The following PRPS1 variants were observed in gnomAD, a reference collection of about 807,000 sequenced individuals.
The protein encoded by PRPS1 is ribose-phosphate pyrophosphokinase 1.
PRPS1 carries 1 observed loss-of-function variant against 16.9 expected under a neutral mutation model. The ratio of observed to expected loss-of-function variants is 0.06; its 90% CI spans 0.02 to 0.28. PRPS1 has a LOEUF of 0.28. Among genes scored for constraint, PRPS1 ranks in the 10% least tolerant of loss-of-function variants. The pLI is 1.00. For synonymous variants in PRPS1, 70 were observed against 90.2 expected, an observed-to-expected ratio of 0.78 and a Z score of 1.27; for missense variants, 47 against 254.0, an observed-to-expected ratio of 0.19 and a Z score of 5.54.
intron 1 of PRPS1, among the ~76,000 whole-genome samples, chrX:107,633,277 C>T (rs1042981221): frequency 5.8e-4 from 63 of 109,436 alleles, no homozygotes; most frequent in African/African-American, 1.8e-3. Flanking sequence ...AAAAAATTAG[C>T]TGGGCATGGT....
chrX:107,635,006 AT>A (rs772628145), intron 1 of PRPS1, among the ~76,000 whole-genome samples: 7 of 109,008 alleles, frequency 6.4e-5, no homozygotes, highest in Non-Finnish European at 9.6e-5. Context: ...CACCTGGCTA[AT>A]TTTTTTGTAT....
At chrX:107,637,950 A>ATATATATATT (rs1411479537) in intron 1 of PRPS1, among the ~76,000 whole-genome samples, 12 of 98,361 alleles carry the variant, frequency 1.2e-4, no homozygotes, top group African/African-American at 4.6e-4. Context: ...ATATATATAT[A>ATATATATATT]TTTTTTTGAT....
chrX:107,630,414 T>C (rs1925282803), intron 1 of PRPS1, among the ~76,000 whole-genome samples: 1 of 111,970 alleles, frequency 8.9e-6, no homozygotes, highest in Non-Finnish European at 1.9e-5. Context: ...TGAGGCTATA[T>C]TGGGAGAGGA....
At chrX:107,644,965 C>T (rs1925657368) in intron 4 of PRPS1, among the ~76,000 whole-genome samples, 1 of 111,054 alleles carries the variant, frequency 9.0e-6, no homozygotes, top group South Asian at 3.8e-4. Context: ...CAGGCGCCCG[C>T]CACCATGCCC....
intron 3 of PRPS1, 114 bp downstream of exon 3, chrX:107,641,114 T>C (rs1365283000): frequency 1.8e-5 from 22 of 1,191,895 alleles, no homozygotes; most frequent in Non-Finnish European, 2.4e-5. Context: ...ATAAACTAGA[T>C]ATCAACAACA....
chrX:107,641,355 T>G (rs1261848394), intron 3 of PRPS1, among the ~76,000 whole-genome samples: 2 of 111,690 alleles, frequency 1.8e-5, no homozygotes, highest in African/African-American at 6.5e-5. Context: ...TGACAGGTAC[T>G]CATAGATAGG....
chrX:107,647,628 A>G lies in PRPS1; in HGVS notation c.727A>G (p.Arg243Gly). The part of the protein sequence containing the change: ...ADKLLSAGAT[R>G]VYAILTHGIF... ...TAGACTTCTCTCAGCTGGCGCCACC[A>G]GAGTTTATGCCATCTTGACTCATGG... Residue 243 changes from arginine to glycine, a missense_variant, in exon 6 of 7, where the codon AGA becomes GGA. Transcript: ENST00000372435. 1 of 1,211,829 alleles carries G rather than the reference A, an allele frequency of 8.3e-7. No homozygotes were observed. Among genetic ancestry groups the G allele is most frequent in the South Asian group, 1.8e-5 (1 of 57,001 alleles).
rs757207081 is a variant in PRPS1, at chrX:107,649,999, C to T, written c.924C>T (p.Ser308=). Residue 308 remains serine (S), a synonymous_variant, in exon 7 of 7, where the codon TCC becomes TCT. Coordinates refer to ENST00000372435, the MANE Select transcript of PRPS1 (RefSeq NM_002764.4). The stretch of plus-strand genomic sequence containing the variant: ...TCAGGAGAACTCACAATGGAGAATC[C>T]GTTTCTTACCTATTCAGCCATGTCC... The part of the protein sequence containing the change: ...EAIRRTHNGE[S]VSYLFSHVPL 10 of 1,211,759 alleles carry T rather than the reference C, an allele frequency of 8.3e-6. No individual in the cohort carries two copies. The highest frequency in any genetic ancestry group is 2.2e-5 in the Admixed American group (1 of 45,995).
intron 1 of PRPS1, among the ~76,000 whole-genome samples, chrX:107,632,401 T>A (rs1216858105): frequency 8.9e-6 from 1 of 112,615 alleles, no homozygotes; most frequent in Non-Finnish European, 1.9e-5. Context: ...AATATCTCCA[T>A]AATCTAAATT....
intron 1 of PRPS1, among the ~76,000 whole-genome samples, chrX:107,636,158 T>C (rs760450929): frequency 6.3e-5 from 7 of 110,595 alleles, no homozygotes; most frequent in African/African-American, 2.3e-4. Flanking sequence ...AGTCCCGCTC[T>C]GTCACCCAGG....
chrX:107,640,076 C>T lies in PRPS1; in HGVS notation c.306+598C>T, dbSNP rs186057710. On this transcript the variant is annotated intron_variant, in intron 2 of 6. Transcript: ENST00000372435. The stretch of plus-strand genomic sequence containing the variant: ...GGCATGGGCCGGGTGCGGTGGCTCA[C>T]GCCTGCAATCCTAGCACTTTGGGAG... Among the ~76,000 whole-genome samples the T allele has an allele frequency of 6.1e-3, 686 of 113,010 alleles. 6 individuals carry two copies. The highest frequency in any genetic ancestry group is 0.021 in the African/African-American group (641 of 31,197).
intron 1 of PRPS1, among the ~76,000 whole-genome samples, chrX:107,633,339 G>A (rs888441891): frequency 1.9e-5 from 2 of 105,883 alleles, no homozygotes; most frequent in Admixed American, 1.0e-4. Flanking sequence ...GGAGAATGGT[G>A]TGAACCCAGG....
At chrX:107,649,435 C>G (rs1925780810) in intron 6 of PRPS1, among the ~76,000 whole-genome samples, 1 of 110,226 alleles carries the variant, frequency 9.1e-6, no homozygotes, top group Non-Finnish European at 1.9e-5. Flanking sequence ...CATTTTGACT[C>G]TTTCCTAAGT....
At chrX:107,637,952 T>A (rs60559960) in intron 1 of PRPS1, among the ~76,000 whole-genome samples, 5,312 of 101,751 alleles carry the variant, frequency 0.052, 282 homozygotes, top group African/African-American at 0.16. Flanking sequence ...ATATATATAT[T>A]TTTTTGATAT....
At chrX:107,646,356 T>C (rs181330395) in intron 5 of PRPS1, among the ~76,000 whole-genome samples, 1 of 111,236 alleles carries the variant, frequency 9.0e-6, no homozygotes, top group Admixed American at 9.6e-5. Flanking sequence ...GCTCAAGCAA[T>C]TCTCCCACCT....
intron 1 of PRPS1, among the ~76,000 whole-genome samples, chrX:107,638,959 T>G (rs1925508252): frequency 9.0e-6 from 1 of 111,586 alleles, no homozygotes; most frequent in Non-Finnish European, 1.9e-5. Flanking sequence ...GGTCTCGAAC[T>G]CCTGACTTCA....
intron 1 of PRPS1, among the ~76,000 whole-genome samples, chrX:107,632,152 G>C (rs1016981495): frequency 1.8e-5 from 2 of 112,296 alleles, no homozygotes; most frequent in African/African-American, 6.5e-5. Context: ...AACTTGCCCA[G>C]CTCTGGGTAT....
chrX:107,636,641 G>C (rs1925449280), intron 1 of PRPS1: 1 of 111,739 alleles, frequency 8.9e-6, no homozygotes, highest in Admixed American at 9.5e-5. Flanking sequence ...GGCTCAAGCA[G>C]TCCTCCTGCT....
At chrX:107,634,749 T>G (rs1925391478) in intron 1 of PRPS1, among the ~76,000 whole-genome samples, 1 of 111,399 alleles carries the variant, frequency 9.0e-6, no homozygotes, top group Non-Finnish European at 1.9e-5. Flanking sequence ...TATTGACTGA[T>G]AGTTGAGGCA....
Sources: allele counts gnomAD v4.1 joint callset (sites outside exome capture counted in the v4.1 genomes callset), GRCh38; gene constraint gnomAD v4.1.1; transcripts MANE v1.5; gene names NCBI Gene and HGNC (gene_info 2026-07-23, HGNC 2026-07-21).